Variants in SUGCT observed in about 807,000 individuals in gnomAD.
SUGCT encodes succinyl-CoA:glutarate-CoA transferase.
SUGCT carries 41 observed loss-of-function variants against 55.0 expected under a neutral mutation model. The ratio of observed to expected loss-of-function variants is 0.74; its 90% CI spans 0.58 to 0.97. SUGCT has a LOEUF of 0.97. Ranked by LOEUF, SUGCT falls within the 50% of genes least tolerant of loss-of-function variation. SUGCT has a pLI of 0.00. For synonymous variants in SUGCT, 187 were observed against 200.4 expected (o/e 0.93, Z 0.56); for missense variants, 568 against 547.8 (o/e 1.04, Z -0.37).
At chr7:40,557,280 G>T (rs1160766262) in intron 12 of SUGCT, among the ~76,000 whole-genome samples, 2 of 152,100 alleles carry the variant, frequency 1.3e-5, no homozygotes, top group Non-Finnish European at 2.9e-5. Flanking sequence ...AAGAAAACTG[G>T]ATCTCCACAT....
intron 12 of SUGCT, among the ~76,000 whole-genome samples, chr7:40,563,943 A>G (rs1299484827): frequency 6.6e-6 from 1 of 152,204 alleles, no homozygotes; most frequent in Non-Finnish European, 1.5e-5. Flanking sequence ...AGACAAATAC[A>G]GATATCAGTC....
In SUGCT at chr7:40,461,422, C is replaced by T. The variant is rs528085205; in HGVS notation, c.986+2224C>T. 5.3e-5 allele frequency among the ~76,000 whole-genome samples: 8 copies of T among 152,192 alleles called. No homozygotes were observed. The East Asian group carries it at 9.7e-4, about 18-fold the overall frequency. The stretch of plus-strand genomic sequence containing the variant: ...CTTCTTCTTACATGTTTCCAAAGGA[C>T]GGCCCTGCTATAGTCACCCTCCCAA... On this transcript the variant is annotated intron_variant, in intron 11 of 13. Transcript: ENST00000335693.
At chr7:40,852,757 T>C in intron 13 of SUGCT, among the ~76,000 whole-genome samples, 1 of 152,084 alleles carries the variant, frequency 6.6e-6, no homozygotes, top group Non-Finnish European at 1.5e-5. Context: ...CATTTAGAAA[T>C]GCCCTTTCTC....
intron 12 of SUGCT, among the ~76,000 whole-genome samples, chr7:40,563,799 C>T (rs1461332460): frequency 6.6e-6 from 1 of 151,870 alleles, no homozygotes; most frequent in Non-Finnish European, 1.5e-5. Context: ...TAAGTGAAAG[C>T]AATACTCCTT....
chr7:40,251,469 C>T (rs762089404), intron 7 of SUGCT, among the ~76,000 whole-genome samples: 2 of 152,078 alleles, frequency 1.3e-5, no homozygotes, highest in Non-Finnish European at 2.9e-5. Flanking sequence ...GAGAACGTAC[C>T]ACAGGAGGCC....
intron 12 of SUGCT, chr7:40,546,839 A>C (rs1795019005): frequency 6.6e-6 from 1 of 152,248 alleles, no homozygotes; most frequent in Non-Finnish European, 1.5e-5. Flanking sequence ...CACTTTCTGC[A>C]GTATCTTTCT....
chr7:40,916,859 C>G, the SUGCT span, among the ~76,000 whole-genome samples: 3 of 152,052 alleles, frequency 2.0e-5, no homozygotes. Flanking sequence ...ATTGACAAAG[C>G]CTTATGGAGT....
chr7:40,197,612 G>A (rs1393608627), intron 6 of SUGCT, among the ~76,000 whole-genome samples: 1 of 152,138 alleles, frequency 6.6e-6, no homozygotes, highest in Non-Finnish European at 1.5e-5. Context: ...GAGTGCAAGA[G>A]AACAAGCCCA....
the SUGCT span, among the ~76,000 whole-genome samples, chr7:40,947,847 G>T: frequency 3.7e-4 from 57 of 152,174 alleles, no homozygotes; most frequent in Non-Finnish European, 2.9e-4. Context: ...GCTCAAGCAG[G>T]CAGTTCACAA....
intron 9 of SUGCT, among the ~76,000 whole-genome samples, chr7:40,448,918 GTA>G (rs1554341074): frequency 4.3e-4 from 61 of 142,786 alleles, no homozygotes; most frequent in East Asian, 3.0e-3. Context: ...GTGTGTGTGT[GTA>G]TATATGTGTG....
intron 4 of SUGCT, among the ~76,000 whole-genome samples, chr7:40,189,152 G>T (rs1178069319): frequency 1.3e-5 from 2 of 152,048 alleles, no homozygotes; most frequent in African/African-American, 4.8e-5. Context: ...GACCATCCTG[G>T]CCAATATGGC....
intron 10 of SUGCT, among the ~76,000 whole-genome samples, chr7:40,450,196 A>G (rs890168169): frequency 1.4e-4 from 22 of 152,058 alleles, no homozygotes; most frequent in Non-Finnish European, 2.2e-4. Flanking sequence ...CCAAAGTTCT[A>G]GAATTACAGG....
At chr7:41,005,891 A>G in the SUGCT span, among the ~76,000 whole-genome samples, 1 of 152,144 alleles carries the variant, frequency 6.6e-6, no homozygotes, top group African/African-American at 2.4e-5. Flanking sequence ...GGGGAACTTG[A>G]CCTCCGAGCA....
the SUGCT span, among the ~76,000 whole-genome samples, chr7:40,885,640 T>G: frequency 2.0e-5 from 3 of 152,174 alleles, no homozygotes; most frequent in African/African-American, 7.2e-5. Flanking sequence ...CTCCATCCTA[T>G]GATTGGCCTT....
At chr7:40,268,386 A>G (rs1422255741) in intron 7 of SUGCT, among the ~76,000 whole-genome samples, 1 of 152,224 alleles carries the variant, frequency 6.6e-6, no homozygotes, top group Non-Finnish European at 1.5e-5. Flanking sequence ...CTCACTTAGC[A>G]TAATATTTGT....
At chr7:40,252,696 G>A (rs1451015806) in intron 7 of SUGCT, among the ~76,000 whole-genome samples, 1 of 151,812 alleles carries the variant, frequency 6.6e-6, no homozygotes, top group Non-Finnish European at 1.5e-5. Flanking sequence ...CACCCAGGCT[G>A]GAGTGCAGTG....
intron 6 of SUGCT, among the ~76,000 whole-genome samples, chr7:40,213,094 C>T (rs909974281): frequency 2.0e-5 from 3 of 151,712 alleles, no homozygotes; most frequent in Non-Finnish European, 4.4e-5. Flanking sequence ...ACAAGTCTTT[C>T]ATATTTTTAA....
chr7:40,172,659 A>C (rs1390210217), intron 1 of SUGCT, among the ~76,000 whole-genome samples: 1 of 152,068 alleles, frequency 6.6e-6, no homozygotes, highest in African/African-American at 2.4e-5. Context: ...TTGAGTAAAG[A>C]CTTCTGGCTG....
At chr7:41,024,141 C>A in the SUGCT span, among the ~76,000 whole-genome samples, 1 of 152,144 alleles carries the variant, frequency 6.6e-6, no homozygotes, top group Non-Finnish European at 1.5e-5. Context: ...GTGGAAACTT[C>A]CATTCAGAAA....
Sources: gnomAD v4.1 joint callset for allele counts (sites outside exome capture counted in the v4.1 genomes callset) on GRCh38, gnomAD v4.1.1 for gene constraint, MANE v1.5 for transcripts, NCBI Gene and HGNC (gene_info 2026-07-23, HGNC 2026-07-21) for gene names.